The following TTC28 variants were observed in gnomAD, a reference collection of about 807,000 sequenced individuals.
The protein encoded by TTC28 is tetratricopeptide repeat domain 28.
Under a neutral mutation model 198.0 loss-of-function variants are expected in TTC28, and 61 were observed. The observed-to-expected ratio is 0.31, with a 90% CI of 0.25 to 0.38. TTC28 has a LOEUF of 0.38. TTC28 is among the 10% of genes least tolerant of loss of function. The pLI is 1.00. For synonymous variants in TTC28, 1,171 were observed against 1,297.8 expected (o/e 0.90, Z 2.10); for missense variants, 2,678 against 3,164.0 (o/e 0.85, Z 3.69).
At chr22:28,014,221 A>G (rs1359766260) in intron 14 of TTC28, 27 bp downstream of exon 14, 1 of 1,541,090 alleles carries the variant, frequency 6.5e-7, no homozygotes, top group South Asian at 1.2e-5. Flanking sequence ...GATGCGGAGG[A>G]GCCTTGTGCC....
chr22:28,461,477 C>T (rs1318931360), intron 2 of TTC28, among the ~76,000 whole-genome samples: 2 of 152,046 alleles, frequency 1.3e-5, no homozygotes, highest in Admixed American at 6.6e-5. Context: ...CACTCTGCCG[C>T]CCAGGCTGGA....
At chr22:28,066,279 TGTGTGTGTGTGTGTGTGTGTGTGTG>T (rs1432942571) in intron 12 of TTC28, among the ~76,000 whole-genome samples, 2 of 146,168 alleles carry the variant, frequency 1.4e-5, no homozygotes, top group African/African-American at 2.7e-5. Context: ...AGTTACCGTG[TGTGTGTGTGTGTGTGTGTGTGTGTG>T]GTGTGTGTGT....
At chr22:28,096,545 A>G in intron 10 of TTC28, 137 bp from the exon 11 acceptor site, 1 of 913,972 alleles carries the variant, frequency 1.1e-6, no homozygotes, top group Non-Finnish European at 1.7e-6. Context: ...TCTCAGTCAC[A>G]CTGCTTCAGA....
At chr22:28,655,100 A>G (rs1326133409) in intron 1 of TTC28, among the ~76,000 whole-genome samples, 1 of 152,230 alleles carries the variant, frequency 6.6e-6, no homozygotes, top group East Asian at 1.9e-4. Flanking sequence ...AATGCAGGAC[A>G]TCACTTATAA....
intron 1 of TTC28, among the ~76,000 whole-genome samples, chr22:28,634,278 G>A (rs1427630723): frequency 4.6e-5 from 7 of 152,200 alleles, no homozygotes; most frequent in Admixed American, 1.3e-4. Flanking sequence ...CTGGGAGGCC[G>A]AGGCAGGCAG....
intron 12 of TTC28, among the ~76,000 whole-genome samples, chr22:28,060,553 A>G (rs891746619): frequency 1.5e-4 from 23 of 152,182 alleles, no homozygotes; most frequent in Non-Finnish European, 2.4e-4. Flanking sequence ...GCTGCAATAA[A>G]CATACGTATG....
chr22:28,490,687 C>T (rs141018135), intron 2 of TTC28, among the ~76,000 whole-genome samples: 19 of 152,274 alleles, frequency 1.2e-4, no homozygotes, highest in African/African-American at 4.6e-4. Context: ...TAATAGAGGA[C>T]CACAAGATGG....
At chr22:28,091,368 T>C (rs944297609) in intron 12 of TTC28, among the ~76,000 whole-genome samples, 3 of 152,246 alleles carry the variant, frequency 2.0e-5, no homozygotes, top group African/African-American at 7.2e-5. Context: ...TACATTTTCA[T>C]ACAGGCTGAG....
chr22:28,461,983 C>T (rs577979835), intron 2 of TTC28, among the ~76,000 whole-genome samples: 1 of 152,332 alleles, frequency 6.6e-6, no homozygotes, highest in African/African-American at 2.4e-5. Flanking sequence ...CTTCTCTTCT[C>T]TAAACCCATG....
chr22:28,333,415 T>A (rs1405689692), intron 2 of TTC28, among the ~76,000 whole-genome samples: 3 of 152,118 alleles, frequency 2.0e-5, no homozygotes, highest in Non-Finnish European at 4.4e-5. Context: ...TCTGGAGACA[T>A]CAGTATCCAC....
At chr22:28,175,716 A>G (rs1191201768) in intron 5 of TTC28, among the ~76,000 whole-genome samples, 1 of 152,120 alleles carries the variant, frequency 6.6e-6, no homozygotes, top group Non-Finnish European at 1.5e-5. Flanking sequence ...CTGGGCAACA[A>G]GAGCAAAACT....
intron 12 of TTC28, among the ~76,000 whole-genome samples, chr22:28,038,022 TACAA>T (rs1432601418): frequency 6.6e-6 from 1 of 152,034 alleles, no homozygotes; most frequent in African/African-American, 2.4e-5. Flanking sequence ...TAAAAGAGGA[TACAA>T]ACAAATGGAA....
At chr22:28,639,801 G>A (rs1257617012) in intron 1 of TTC28, among the ~76,000 whole-genome samples, 5 of 152,144 alleles carry the variant, frequency 3.3e-5, no homozygotes, top group Non-Finnish European at 7.3e-5. Flanking sequence ...TTCATCAGCA[G>A]CATGAAAACG....
rs1189425126 is a variant in TTC28, at chr22:27,983,054, C to T, written c.6613G>A (p.Val2205Ile). 6.4e-7 allele frequency: 1 copy of T among 1,551,598 alleles called. No homozygotes were observed. The highest frequency in any genetic ancestry group is 1.4e-5 in the African/African-American group (1 of 73,038). Residue 2205 changes from valine (V) to isoleucine (I), a missense_variant, in exon 23 of 23, where the codon GTC (valine) becomes ATC (isoleucine). Around this residue, in one of 8 missense-constraint regions of TTC28, gnomAD observed 622 missense variants for 656.0 expected, o/e 0.95. Transcript: ENST00000397906. Reference sequence around the variant, plus strand: ...GCACTGGTTTCTGACGCTCTGAAGACAGCAGTGCTGCTGGGCGCCTGAACG... The same window carrying T: ...GCACTGGTTTCTGACGCTCTGAAGATAGCAGTGCTGCTGGGCGCCTGAACG... ...DGVQAPSSTAVFRASETSAFS... is the reference protein window; with the variant it reads ...DGVQAPSSTAIFRASETSAFS...
chr22:28,676,930 G>A (rs1292361092), intron 1 of TTC28, among the ~76,000 whole-genome samples: 1 of 151,470 alleles, frequency 6.6e-6, no homozygotes, highest in African/African-American at 2.4e-5. Context: ...CGAGGAGGGT[G>A]GATCATTTGA....
chr22:28,445,979 C>T (rs1436231070), intron 2 of TTC28, among the ~76,000 whole-genome samples: 3 of 152,042 alleles, frequency 2.0e-5, no homozygotes, highest in African/African-American at 4.8e-5. Context: ...ACCCAGTGAA[C>T]AGTGTCTGAC....
At chr22:28,119,649 C>G (rs1942732573) in intron 6 of TTC28, among the ~76,000 whole-genome samples, 1 of 152,132 alleles carries the variant, frequency 6.6e-6, no homozygotes, top group African/African-American at 2.4e-5. Flanking sequence ...GTGGGTGGGG[C>G]CAGGGATACT....
chr22:28,468,984 A>C (rs1325951793), intron 2 of TTC28, among the ~76,000 whole-genome samples: 1 of 152,128 alleles, frequency 6.6e-6, no homozygotes, highest in Non-Finnish European at 1.5e-5. Flanking sequence ...TTTCAAGAAC[A>C]TGCATTTATT....
intron 2 of TTC28, among the ~76,000 whole-genome samples, chr22:28,442,700 G>A (rs779429257): frequency 3.9e-5 from 6 of 152,230 alleles, no homozygotes; most frequent in Admixed American, 6.5e-5. Context: ...AAAGGGCAGT[G>A]GATGCAGACC....
Sources: gnomAD v4.1 joint callset for allele counts (sites outside exome capture counted in the v4.1 genomes callset) on GRCh38, gnomAD v4.1.1 for gene constraint, gnomAD v4.1.1 regional missense constraint, MANE v1.5 for transcripts, NCBI Gene and HGNC (gene_info 2026-07-23, HGNC 2026-07-21) for gene names.